The following ADD1 variants were observed in gnomAD, a reference collection of about 807,000 sequenced individuals.
ADD1 encodes the protein adducin 1.
In ADD1, 24 loss-of-function variants were observed where a neutral mutation model predicts 80.5. That is an observed-to-expected ratio of 0.30 (90% CI 0.22 to 0.42). ADD1 has a LOEUF of 0.42. Ranked by LOEUF, ADD1 falls within the 10% of genes least tolerant of loss-of-function variation. The probability of loss-of-function intolerance (pLI) is 1.00; values close to 1 mark genes in which losing one functional copy is unlikely to be tolerated. For missense variants in ADD1, 948 were observed against 1,019.0 expected, an observed-to-expected ratio of 0.93 and a Z score of 0.95; for synonymous variants, 373 against 393.8, an observed-to-expected ratio of 0.95 and a Z score of 0.63.
intron 14 of ADD1, among the ~76,000 whole-genome samples, chr4:2,925,356 G>A (rs1740791189): frequency 1.4e-5 from 2 of 140,700 alleles, no homozygotes; most frequent in South Asian, 4.3e-4. Flanking sequence ...CTGATCCTAA[G>A]CTATTAATCT....
At chr4:2,907,143 T>G (rs1272657391) in intron 10 of ADD1, 2 of 152,262 alleles carry the variant, frequency 1.3e-5, no homozygotes, top group Non-Finnish European at 2.9e-5. Context: ...TTAAGTTATA[T>G]AAAATATTCG....
At chr4:2,918,945 G>C (rs972384092) in intron 14 of ADD1, among the ~76,000 whole-genome samples, 2 of 151,490 alleles carry the variant, frequency 1.3e-5, no homozygotes, top group Admixed American at 6.6e-5. Context: ...TCCACCTCCT[G>C]TGTTCAAGCC....
chr4:2,899,594 A>G (rs1006868944), intron 9 of ADD1, 159 bp downstream of exon 9: 10 of 775,814 alleles, frequency 1.3e-5, no homozygotes, highest in African/African-American at 1.2e-4. Context: ...CTTCTGAGGT[A>G]AATTACAATA....
At chr4:2,849,912 T>G (rs1726807320) in intron 1 of ADD1, among the ~76,000 whole-genome samples, 1 of 152,086 alleles carries the variant, frequency 6.6e-6, no homozygotes, top group African/African-American at 2.4e-5. Context: ...CATCGGAAAA[T>G]TAAGTAGCCA....
chr4:2,888,671 G>T (rs955184185), intron 4 of ADD1, among the ~76,000 whole-genome samples: 1 of 152,090 alleles, frequency 6.6e-6, no homozygotes, highest in African/African-American at 2.4e-5. Context: ...GCCCACCTCA[G>T]CCTCCCAAAG....
chr4:2,846,079 C>T (rs116649293), intron 1 of ADD1, among the ~76,000 whole-genome samples: 2,652 of 152,244 alleles, frequency 0.017, 56 homozygotes, highest in African/African-American at 0.046. Context: ...ACATGAGTAC[C>T]ACTATCACAG....
chr4:2,852,292 T>C (rs1007324667), intron 1 of ADD1, among the ~76,000 whole-genome samples: 2 of 144,980 alleles, frequency 1.4e-5, no homozygotes, highest in Non-Finnish European at 3.0e-5. Flanking sequence ...TTTTCTTTTC[T>C]TTTCTTTTCT....
chr4:2,888,537 T>C (rs1055893473), intron 4 of ADD1, among the ~76,000 whole-genome samples: 1 of 151,652 alleles, frequency 6.6e-6, no homozygotes. Flanking sequence ...TGCCTCAGCC[T>C]CCCAAGTAGC....
intron 12 of ADD1, 65 bp downstream of exon 12, chr4:2,908,669 A>G: frequency 1.5e-6 from 2 of 1,343,612 alleles, no homozygotes; most frequent in Non-Finnish European, 2.1e-6. Context: ...CTCCAAAGTT[A>G]TTCTGAAATT....
At chr4:2,884,693 A>G (rs1370415203) in intron 4 of ADD1, 27 bp downstream of exon 4, 1 of 1,550,896 alleles carries the variant, frequency 6.4e-7, no homozygotes, top group South Asian at 1.2e-5. Flanking sequence ...CTAGTAACTG[A>G]ACGATAAATG....
chr4:2,890,584 A>G (rs1385493509), intron 4 of ADD1, among the ~76,000 whole-genome samples: 1 of 151,606 alleles, frequency 6.6e-6, no homozygotes, highest in South Asian at 2.1e-4. Context: ...TTTTTTTTGT[A>G]TTTTTAGTAG....
Position 2,925,995 on chromosome 4 carries a change from CCTT to C in ADD1, c.1949-15_1949-13del, listed in dbSNP as rs763189548. 1.9e-6 allele frequency: 3 copies of C among 1,611,174 alleles called. No individual in the cohort carries two copies. Among genetic ancestry groups the C allele is most frequent in the Non-Finnish European group, 2.5e-6 (3 of 1,177,750 alleles). ...GTGGCGTCCACAGCTCCTACCATAT[CCTT>C]CTTGCTTCTCTGCAGAGAATCTGGA... is the stretch of plus-strand genomic sequence containing the variant. On this transcript the variant is annotated splice_polypyrimidine_tract_variant and intron_variant, in intron 14 of 15. Coordinates refer to ENST00000683351, the MANE Select transcript of ADD1 (RefSeq NM_001354761.2).
intron 4 of ADD1, among the ~76,000 whole-genome samples, chr4:2,890,665 C>T (rs1253489813): frequency 3.9e-5 from 6 of 152,156 alleles, no homozygotes; most frequent in African/African-American, 1.4e-4. Flanking sequence ...TTCTCGCCCT[C>T]CCAAAGTGCT....
chr4:2,866,139 G>T (rs576196636), intron 1 of ADD1, among the ~76,000 whole-genome samples: 1 of 152,280 alleles, frequency 6.6e-6, no homozygotes, highest in Admixed American at 6.5e-5. Flanking sequence ...ATTGATATTT[G>T]TTCATGGGCC....
At chr4:2,850,425 C>A (rs1367840252) in intron 1 of ADD1, among the ~76,000 whole-genome samples, 1 of 151,440 alleles carries the variant, frequency 6.6e-6, no homozygotes, top group African/African-American at 2.4e-5. Context: ...GCCACCATGC[C>A]CGGCTGATTT....
At position 2,907,828 on chromosome 4, in the gene ADD1, A is replaced by G. The variant is rs753838709; in HGVS notation, c.1592A>G (p.Gln531Arg). ...VPLNTNPKEV[Q>R]EMRNKIREQN... ...TTGAACACTAACCCAAAAGAGGTCCAGGAGATGAGGAACAAGGTGCGTCCT... is the reference window on the plus strand; with the variant it reads ...TTGAACACTAACCCAAAAGAGGTCCGGGAGATGAGGAACAAGGTGCGTCCT... The change falls in exon 11 of 16, where the codon CAG (glutamine) becomes CGG (arginine). Residue 531 changes from glutamine (Q) to arginine (R), a missense_variant. Physicochemically the swap from Gln to Arg is conservative, Grantham distance 43. Coordinates refer to ENST00000683351, the MANE Select transcript of ADD1 (RefSeq NM_001354761.2). The G allele has an allele frequency of 6.2e-7, 1 of 1,614,010 alleles. No individual in the cohort carries two copies. Among genetic ancestry groups the G allele is most frequent in the Non-Finnish European group, 8.5e-7 (1 of 1,179,988 alleles).
chr4:2,921,345 G>A (rs1001856296), intron 14 of ADD1, among the ~76,000 whole-genome samples: 1 of 152,126 alleles, frequency 6.6e-6, no homozygotes, highest in African/African-American at 2.4e-5. Flanking sequence ...AGCCAGGATG[G>A]TCTCGATCTC....
At chr4:2,852,446 C>T (rs1381006346) in intron 1 of ADD1, among the ~76,000 whole-genome samples, 2 of 149,566 alleles carry the variant, frequency 1.3e-5, no homozygotes, top group Admixed American at 6.7e-5. Context: ...TGTGCCCCAG[C>T]GTACTGAGTA....
intron 11 of ADD1, among the ~76,000 whole-genome samples, 155 bp from the exon 12 acceptor site, chr4:2,908,360 C>G (rs914758179): frequency 3.9e-5 from 6 of 152,244 alleles, no homozygotes; most frequent in African/African-American, 1.4e-4. Context: ...ATGGCGGTCA[C>G]TCAGAACACA....
Sources: allele counts gnomAD v4.1 joint callset (sites outside exome capture counted in the v4.1 genomes callset), GRCh38; gene constraint gnomAD v4.1.1; transcripts MANE v1.5; gene names NCBI Gene and HGNC (gene_info 2026-07-23, HGNC 2026-07-21).